The following IL1RAPL1 variants were observed in gnomAD, a reference collection of about 807,000 sequenced individuals.
IL1RAPL1 encodes the protein interleukin-1 receptor accessory protein-like 1.
Under a neutral mutation model 48.4 loss-of-function variants are expected in IL1RAPL1, and 3 were observed. That is an observed-to-expected ratio of 0.06 (90% CI 0.03 to 0.16). The LOEUF (loss-of-function observed/expected upper bound fraction) is 0.16. Ranked by LOEUF, IL1RAPL1 falls within the 10% of genes least tolerant of loss-of-function variation. The pLI, the probability that IL1RAPL1 is intolerant of heterozygous loss-of-function variation, is 1.00. For missense variants in IL1RAPL1, 349 were observed against 530.6 expected (o/e 0.66, Z 3.36); for synonymous variants, 185 against 187.7 (o/e 0.99, Z 0.12).
chrX:29,033,241 G>C (rs1409155805), intron 2 of IL1RAPL1, among the ~76,000 whole-genome samples: 1 of 111,305 alleles, frequency 9.0e-6, no homozygotes, highest in Non-Finnish European at 1.9e-5. Flanking sequence ...GAAGGACTTT[G>C]CCGTTTATAG....
intron 2 of IL1RAPL1, among the ~76,000 whole-genome samples, chrX:29,089,778 A>ATATATATATG (rs1928045140): frequency 1.2e-5 from 1 of 83,229 alleles, no homozygotes; most frequent in Non-Finnish European, 2.3e-5. Flanking sequence ...ATATATATAT[A>ATATATATATG]TATATATATG....
At chrX:29,014,450 C>A (rs1926195369) in intron 2 of IL1RAPL1, among the ~76,000 whole-genome samples, 1 of 111,387 alleles carries the variant, frequency 9.0e-6, no homozygotes, top group South Asian at 3.8e-4. Context: ...TCTTAACCCC[C>A]ACATGTACAT....
intron 5 of IL1RAPL1, among the ~76,000 whole-genome samples, chrX:29,477,247 T>C (rs1934987978): frequency 9.0e-6 from 1 of 111,617 alleles, no homozygotes; most frequent in Non-Finnish European, 1.9e-5. Context: ...TATAAGGCAG[T>C]GTTTGAAGCA....
intron 6 of IL1RAPL1, among the ~76,000 whole-genome samples, chrX:29,901,590 T>C (rs1449703149): frequency 3.6e-5 from 4 of 111,727 alleles, no homozygotes; most frequent in East Asian, 2.8e-4. Context: ...ATTCCAATTT[T>C]CCCCCCATAT....
chrX:29,785,071 A>G (rs1929462102), intron 6 of IL1RAPL1, among the ~76,000 whole-genome samples: 1 of 112,289 alleles, frequency 8.9e-6, no homozygotes, highest in African/African-American at 3.2e-5. Flanking sequence ...ACTAGATTTC[A>G]ACGCAATCAA....
chrX:29,038,865 C>T (rs1926782850), intron 2 of IL1RAPL1, among the ~76,000 whole-genome samples: 1 of 111,429 alleles, frequency 9.0e-6, no homozygotes, highest in African/African-American at 3.3e-5. Context: ...TAAAAAAAAA[C>T]TCTACCCATG....
Position 29,802,795 on chromosome X carries a change from A to ATATATG in IL1RAPL1, c.779-114664_779-114663insGTATAT, listed in dbSNP as rs1569172762. ...TATATATATATATGTGTGTGTGTAT[A>ATATATG]TATATATATATATATGTGTGTATAT... On this transcript the variant is annotated intron_variant, in intron 6 of 10. Coordinates refer to ENST00000378993, the MANE Select transcript of IL1RAPL1 (RefSeq NM_014271.4). Among the ~76,000 whole-genome samples, 26 of 51,446 alleles carry ATATATG rather than the reference A, an allele frequency of 5.1e-4. 1 individual carries two copies. The highest frequency in any genetic ancestry group is 2.9e-3 in the African/African-American group (22 of 7,505). The allele number at this position is 51,446 out of a possible 115,157, so 44.7% of individuals were successfully genotyped here.
chrX:29,593,425 C>G (rs1163866347), intron 5 of IL1RAPL1, among the ~76,000 whole-genome samples: 2 of 112,058 alleles, frequency 1.8e-5, no homozygotes, highest in African/African-American at 6.5e-5. Context: ...CAGTGGAAAA[C>G]TTTGCCTTGT....
intron 6 of IL1RAPL1, among the ~76,000 whole-genome samples, chrX:29,830,510 G>C (rs7883619): frequency 0.029 from 3,041 of 106,523 alleles, 120 homozygotes; most frequent in African/African-American, 0.099. Context: ...AGTGCAATGG[G>C]GCAATCTCAG....
intron 3 of IL1RAPL1, among the ~76,000 whole-genome samples, chrX:29,334,435 G>A (rs1425488579): frequency 1.1e-4 from 12 of 109,172 alleles, no homozygotes; most frequent in Admixed American, 1.9e-4. Context: ...CGGACGGGGC[G>A]GCTGGCCGGG....
intron 9 of IL1RAPL1, among the ~76,000 whole-genome samples, chrX:29,942,160 T>C (rs1933141192): frequency 8.9e-6 from 1 of 112,022 alleles, no homozygotes; most frequent in South Asian, 3.8e-4. Flanking sequence ...TTTAATTGTG[T>C]TTTCTAGCCC....
intron 1 of IL1RAPL1, among the ~76,000 whole-genome samples, chrX:28,609,095 A>G (rs191379552): frequency 3.8e-4 from 43 of 112,389 alleles, no homozygotes; most frequent in African/African-American, 1.1e-3. Context: ...CTTAATGTAG[A>G]AAAAGGGAAA....
intron 1 of IL1RAPL1, among the ~76,000 whole-genome samples, chrX:28,752,179 T>G (rs1406788083): frequency 8.9e-6 from 1 of 112,023 alleles, no homozygotes; most frequent in African/African-American, 3.2e-5. Flanking sequence ...ATTTTTAACA[T>G]TCTCTCCATT....
intron 3 of IL1RAPL1, among the ~76,000 whole-genome samples, chrX:29,309,795 A>G (rs1932681423): frequency 2.0e-5 from 2 of 99,560 alleles, no homozygotes; most frequent in South Asian, 9.4e-4. Context: ...CTGGGGAGAC[A>G]CTGTCTAAAA....
intron 3 of IL1RAPL1, among the ~76,000 whole-genome samples, chrX:29,338,990 G>A (rs1349037764): frequency 2.8e-5 from 3 of 108,633 alleles, no homozygotes; most frequent in Non-Finnish European, 5.7e-5. Flanking sequence ...CATATGCCCA[G>A]CACTAAGATA....
At chrX:28,903,620 C>T (rs1051113096) in intron 2 of IL1RAPL1, among the ~76,000 whole-genome samples, 12 of 110,008 alleles carry the variant, frequency 1.1e-4, no homozygotes, top group African/African-American at 3.6e-4. Flanking sequence ...CATTTCTTTT[C>T]CTCCTCCTAA....
intron 6 of IL1RAPL1, among the ~76,000 whole-genome samples, chrX:29,843,629 T>C (rs762579746): frequency 2.7e-5 from 3 of 111,467 alleles, no homozygotes; most frequent in Admixed American, 9.6e-5. Context: ...CTGGGGACTC[T>C]AGAAGGTAAT....
At chrX:29,467,166 G>T (rs753603870) in intron 5 of IL1RAPL1, among the ~76,000 whole-genome samples, 2 of 111,808 alleles carry the variant, frequency 1.8e-5, no homozygotes, top group Non-Finnish European at 3.8e-5. Flanking sequence ...GAGTTTAAAG[G>T]CTGTGAGGTC....
At position 29,137,258 on chromosome X, in the gene IL1RAPL1, T is replaced by TCACACACACA. The variant is rs113222106; in HGVS notation, c.83-145659_83-145650dup. The stretch of plus-strand genomic sequence containing the variant: ...AAAAATTACACACACACACTTGCGC[T>TCACACACACA]CACACACACACACACACACACACAC... On this transcript the variant is annotated intron_variant, in intron 2 of 10. Coordinates refer to ENST00000378993, the MANE Select transcript of IL1RAPL1 (RefSeq NM_014271.4). 9.6e-4 allele frequency among the ~76,000 whole-genome samples: 96 copies of TCACACACACA among 100,370 alleles called. No homozygotes were observed. In the South Asian group the frequency reaches 0.026, roughly 28 times the overall value. The allele number at this position is 100,370 out of a possible 115,157, so 87.2% of individuals were successfully genotyped here. A position where few individuals can be genotyped will look rare whatever the true frequency, so the allele number is the denominator to read the frequency against.
Sources: allele counts gnomAD v4.1 joint callset (sites outside exome capture counted in the v4.1 genomes callset), GRCh38; gene constraint gnomAD v4.1.1; transcripts MANE v1.5; gene names NCBI Gene and HGNC (gene_info 2026-07-23, HGNC 2026-07-21).